Variants in NUDT6 observed in about 807,000 individuals in gnomAD.
The protein encoded by NUDT6 is nudix hydrolase 6, also known as FAD diphosphatase NUDT6.
In NUDT6, 24 loss-of-function variants were observed where a neutral mutation model predicts 36.8. That is an observed-to-expected ratio of 0.65 (90% confidence interval 0.47 to 0.92). The LOEUF is 0.92. Among genes scored for constraint, NUDT6 ranks in the 40% least tolerant of loss-of-function variants. The probability of loss-of-function intolerance (pLI) is 0.00; values close to 1 mark genes in which losing one functional copy is unlikely to be tolerated. For synonymous variants in NUDT6, 163 were observed against 157.0 expected (o/e 1.04, Z -0.29); for missense variants, 388 against 392.8 (o/e 0.99, Z 0.10).
At chr4:122,912,753 G>A in intron 2 of NUDT6, 130 bp from the exon 3 acceptor site, 3 of 623,964 alleles carry the variant, frequency 4.8e-6, no homozygotes, top group Non-Finnish European at 8.7e-6. Flanking sequence ...TACAGGTTGA[G>A]TATTCCTTAT....
chr4:122,911,155 AAGT>A (rs768911829), intron 3 of NUDT6, among the ~76,000 whole-genome samples: 1 of 152,180 alleles, frequency 6.6e-6, no homozygotes, highest in African/African-American at 2.4e-5. Flanking sequence ...CAACTTTACA[AAGT>A]AGAAGTGGCA....
rs1325652531 is a variant in NUDT6 at position 122,917,714 on chromosome 4, G to A, written c.239-10C>T. On this transcript the variant is annotated splice_polypyrimidine_tract_variant and intron_variant, in intron 1 of 4. Coordinates refer to ENST00000304430, the MANE Select transcript of NUDT6 (RefSeq NM_007083.5). ...CATTGCTGTACTGCAGCTAAATGCA[G>A]AAGAAAAAAGTCTAAATAATTTCCA... 6.2e-7 allele frequency: 1 copy of A among 1,610,576 alleles called. No homozygotes were observed. Among genetic ancestry groups the A allele is most frequent in the Non-Finnish European group, 8.5e-7 (1 of 1,178,304 alleles).
rs776896778 is a variant in NUDT6 at position 122,892,864 on chromosome 4, C to T, written c.915G>A (p.Leu305=). Residue 305 remains leucine, a synonymous_variant, in exon 5 of 5, where the codon CTG becomes CTA. Transcript: ENST00000304430. ...CTTTCATAGTTTTATAATTCTCTGGCAGTTCCTTATGATAGAGTTTATAAA... is the reference window on the plus strand; with the variant it reads ...CTTTCATAGTTTTATAATTCTCTGGTAGTTCCTTATGATAGAGTTTATAAA... ...GLFYKLYHKE[L]PENYKTMKGI... 1.2e-6 allele frequency: 2 copies of T among 1,608,324 alleles called. No individual in the cohort carries two copies. The highest frequency in any genetic ancestry group is 2.7e-5 in the African/African-American group (2 of 74,690).
intron 4 of NUDT6, 169 bp downstream of exon 4, chr4:122,897,455 G>A (rs1255834344): frequency 1.6e-6 from 1 of 633,680 alleles, no homozygotes. Context: ...TGTAATATTA[G>A]AAATTATGCT....
chr4:122,912,517 T>C (rs1166091654), intron 3 of NUDT6, 51 bp downstream of exon 3: 11 of 1,260,650 alleles, frequency 8.7e-6, no homozygotes, highest in Non-Finnish European at 1.2e-5. Flanking sequence ...TATTCTTCTC[T>C]AGAAAGAAAT....
chr4:122,901,651 TA>T (rs1199410367), intron 3 of NUDT6, among the ~76,000 whole-genome samples: 1 of 152,216 alleles, frequency 6.6e-6, no homozygotes, highest in Non-Finnish European at 1.5e-5. Flanking sequence ...CTTTCTCTGT[TA>T]AAGCATGTTC....
At chr4:122,912,739 C>A in intron 2 of NUDT6, 116 bp from the exon 3 acceptor site, 1 of 662,074 alleles carries the variant, frequency 1.5e-6, no homozygotes, top group South Asian at 1.9e-5. Flanking sequence ...AGCCTTGGTT[C>A]AAATACAGGT....
At chr4:122,899,307 G>A (rs1727461569) in intron 3 of NUDT6, among the ~76,000 whole-genome samples, 1 of 151,986 alleles carries the variant, frequency 6.6e-6, no homozygotes, top group Non-Finnish European at 1.5e-5. Flanking sequence ...ATCTGGAGAT[G>A]AACTTATTAG....
At chr4:122,922,848 G>A (rs1028538072), upstream of NUDT6, 4 of 560,764 alleles carry the variant, frequency 7.1e-6, no homozygotes, top group African/African-American at 7.6e-5. Context: ...TTAGGGATGG[G>A]GAAGCCGGGA....
chr4:122,900,822 G>GT (rs1194213913), intron 3 of NUDT6, among the ~76,000 whole-genome samples: 1 of 151,942 alleles, frequency 6.6e-6, no homozygotes, highest in African/African-American at 2.4e-5. Flanking sequence ...AAATGTCTTT[G>GT]TATCTATCTG....
At position 122,912,560 on chromosome 4, in the gene NUDT6, C is replaced by A. The variant is rs747301499; in HGVS notation, c.498+8G>T. On this transcript the variant is annotated splice_region_variant and intron_variant, in intron 3 of 4. Transcript: ENST00000304430. Reference sequence around the variant, plus strand: ...TAGGAAGCAATTTATAAAACAGAAGCAGCTTACTTTATTTCGATCTTGTAC... The same window carrying A: ...TAGGAAGCAATTTATAAAACAGAAGAAGCTTACTTTATTTCGATCTTGTAC... 6.3e-7 allele frequency: 1 copy of A among 1,575,366 alleles called. No individual in the cohort carries two copies. Among genetic ancestry groups the A allele is most frequent in the South Asian group, 1.1e-5 (1 of 89,408 alleles).
chr4:122,916,071 A>G (rs539251467), intron 2 of NUDT6, among the ~76,000 whole-genome samples: 1 of 152,194 alleles, frequency 6.6e-6, no homozygotes, highest in South Asian at 2.1e-4. Flanking sequence ...TTTTCTAGAA[A>G]TCTAAGAATT....
intron 1 of NUDT6, chr4:122,921,866 T>A (rs1179633898): frequency 6.5e-6 from 1 of 153,568 alleles, no homozygotes; most frequent in Non-Finnish European, 1.4e-5. Flanking sequence ...TTGGGAAAAG[T>A]GTCCGACAGA....
intron 3 of NUDT6, among the ~76,000 whole-genome samples, chr4:122,911,326 C>A (rs1727729070): frequency 6.6e-6 from 1 of 152,156 alleles, no homozygotes; most frequent in South Asian, 2.1e-4. Context: ...CAATCAAAAT[C>A]TTTTAATAGT....
chr4:122,916,690 A>C (rs966372648), intron 2 of NUDT6, among the ~76,000 whole-genome samples: 1 of 152,200 alleles, frequency 6.6e-6, no homozygotes, highest in Non-Finnish European at 1.5e-5. Flanking sequence ...TAAAAGCACT[A>C]TGTAATAGTC....
chr4:122,902,763 G>A (rs1256653520), intron 3 of NUDT6, among the ~76,000 whole-genome samples: 1 of 152,150 alleles, frequency 6.6e-6, no homozygotes, highest in African/African-American at 2.4e-5. Flanking sequence ...TAAAATATTG[G>A]GGTAGGGATG....
At chr4:122,915,546 C>T (rs1157357096) in intron 2 of NUDT6, among the ~76,000 whole-genome samples, 1 of 151,808 alleles carries the variant, frequency 6.6e-6, no homozygotes, top group Non-Finnish European at 1.5e-5. Context: ...CTCGTCCACA[C>T]CCCCAACAGT....
Position 122,892,645 on chromosome 4 carries a change from C to A in NUDT6, c.*183G>T, listed in dbSNP as rs1727218401. ...AGTGAAGCTTACCTAGAGCAATGATCTTTTTCACGCATTTGCTTTATTCGA... is the reference window on the plus strand; with the variant it reads ...AGTGAAGCTTACCTAGAGCAATGATATTTTTCACGCATTTGCTTTATTCGA... On this transcript the variant is annotated 3_prime_UTR_variant, in exon 5 of 5. Coordinates refer to ENST00000304430, the MANE Select transcript of NUDT6 (RefSeq NM_007083.5). 6.4e-6 allele frequency: 9 copies of A among 1,409,486 alleles called. No homozygotes were observed. In the South Asian group the frequency reaches 1.4e-4, roughly 22 times the overall value. The allele number at this position is 1,409,486 out of a possible 1,614,324, so 87.3% of individuals were successfully genotyped here.
At chr4:122,912,201 C>T (rs535319085) in intron 3 of NUDT6, among the ~76,000 whole-genome samples, 1 of 152,140 alleles carries the variant, frequency 6.6e-6, no homozygotes, top group Non-Finnish European at 1.5e-5. Context: ...TAAGGTATAT[C>T]GTCTTACTGC....
Sources: allele counts gnomAD v4.1 joint callset (sites outside exome capture counted in the v4.1 genomes callset), GRCh38; gene constraint gnomAD v4.1.1; transcripts MANE v1.5; gene names NCBI Gene and HGNC (gene_info 2026-07-23, HGNC 2026-07-21).